Variants in EML1 observed in about 807,000 individuals in gnomAD.
EML1 encodes the protein EMAP like 1.
Under a neutral mutation model 110.4 loss-of-function variants are expected in EML1, and 27 were observed. The ratio of observed to expected loss-of-function variants is 0.24; its 90% CI spans 0.18 to 0.34. The LOEUF is 0.34. Among genes scored for constraint, EML1 ranks in the 10% least tolerant of loss-of-function variants. The pLI, the probability that EML1 is intolerant of heterozygous loss-of-function variation, is 1.00. For synonymous variants in EML1, 344 were observed against 385.8 expected (o/e 0.89, Z 1.27); for missense variants, 741 against 1,030.9 (o/e 0.72, Z 3.85).
At chr14:99,882,755 A>T (rs1370513126) in intron 4 of EML1, among the ~76,000 whole-genome samples, 1 of 151,192 alleles carries the variant, frequency 6.6e-6, no homozygotes, top group African/African-American at 2.4e-5. Flanking sequence ...CCTGGGCCGC[A>T]TGTGGCCTGT....
chr14:99,826,080 A>G (rs921679059), intron 1 of EML1, among the ~76,000 whole-genome samples: 5 of 145,318 alleles, frequency 3.4e-5, no homozygotes, highest in Non-Finnish European at 6.0e-5. Context: ...AGTCTTTAGC[A>G]TTTAAAGTCT....
chr14:99,757,229 C>T (rs1406929708), intron 1 of EML1, among the ~76,000 whole-genome samples: 3 of 152,004 alleles, frequency 2.0e-5, no homozygotes, highest in Non-Finnish European at 4.4e-5. Flanking sequence ...GTCGCAGCTA[C>T]TCGGGAGGCT....
chr14:99,912,204 A>C (rs930627024), intron 13 of EML1, among the ~76,000 whole-genome samples: 1 of 152,082 alleles, frequency 6.6e-6, no homozygotes, highest in African/African-American at 2.4e-5. Context: ...AATTTCTAGC[A>C]TGTTATTTTG....
chr14:99,919,833 C>G (rs2060100347), intron 16 of EML1, among the ~76,000 whole-genome samples: 1 of 152,228 alleles, frequency 6.6e-6, no homozygotes, highest in Middle Eastern at 3.4e-3. Flanking sequence ...AAAGCAAAAT[C>G]CACATTTCTG....
intron 15 of EML1, among the ~76,000 whole-genome samples, chr14:99,916,763 C>T (rs2060040416): frequency 6.6e-6 from 1 of 152,180 alleles, no homozygotes; most frequent in South Asian, 2.1e-4. Flanking sequence ...CCCCCTTCAC[C>T]ATGGTCCAAA....
rs759650854 is a variant in EML1 at position 99,939,169 on chromosome 14, A to G, written c.2192-28A>G. 1.2e-6 allele frequency: 2 copies of G among 1,612,300 alleles called. No homozygotes were observed. Among genetic ancestry groups the G allele is most frequent in the South Asian group, 2.2e-5 (2 of 90,882 alleles). On this transcript the variant is annotated intron_variant, in intron 20 of 21. Transcript: ENST00000262233. This position sits in a 1 kb window ranked among gnomAD's most constrained non-coding sequence, Gnocchi z 4.2. ...TGGCCCTGTGGCCCCTGGTGTTTCCAGCGCCCTGTTTGTGGTCTTTGTTTT... is the reference window on the plus strand; with the variant it reads ...TGGCCCTGTGGCCCCTGGTGTTTCCGGCGCCCTGTTTGTGGTCTTTGTTTT...
chr14:99,892,072 G>T, intron 5 of EML1: 1 of 937,922 alleles, frequency 1.1e-6, no homozygotes, highest in Non-Finnish European at 1.3e-6. Flanking sequence ...GCGGGCTAGT[G>T]AGGGCTCCGG....
intron 3 of EML1, among the ~76,000 whole-genome samples, chr14:99,875,300 C>T (rs527664283): frequency 2.6e-5 from 4 of 152,070 alleles, no homozygotes; most frequent in South Asian, 2.1e-4. Context: ...CTCCTGAATT[C>T]GGTTCTTCAT....
chr14:99,811,304 C>G (rs1043607927), intron 1 of EML1, among the ~76,000 whole-genome samples: 2 of 151,964 alleles, frequency 1.3e-5, no homozygotes, highest in Non-Finnish European at 2.9e-5. Context: ...CGTCGGCCTC[C>G]CAAAGTTCTG....
intron 1 of EML1, among the ~76,000 whole-genome samples, chr14:99,808,711 C>T (rs563713646): frequency 2.0e-5 from 3 of 152,294 alleles, no homozygotes; most frequent in African/African-American, 7.2e-5. Flanking sequence ...CACAAAACCA[C>T]GTATGCTCCA....
chr14:99,865,447 C>A (rs2059079421), intron 2 of EML1, 67 bp from the exon 3 acceptor site: 5 of 1,596,302 alleles, frequency 3.1e-6, no homozygotes, highest in Admixed American at 3.4e-5. Flanking sequence ...CAGTTGAGGA[C>A]CCCTGCTGTA....
chr14:99,889,924 C>T (rs1381458790), intron 4 of EML1, among the ~76,000 whole-genome samples: 2 of 152,156 alleles, frequency 1.3e-5, no homozygotes, highest in Non-Finnish European at 2.9e-5. Flanking sequence ...GAGTAAAACA[C>T]TTTTAAAGCA....
At chr14:99,746,833 G>A (rs1181247129) in intron 1 of EML1, among the ~76,000 whole-genome samples, 1 of 152,184 alleles carries the variant, frequency 6.6e-6, no homozygotes, top group Admixed American at 6.5e-5. Context: ...CTCGAGCAGG[G>A]CTCCTCCCAC....
At chr14:99,771,566 C>T (rs148769830), upstream of EML1, among the ~76,000 whole-genome samples, 722 of 152,350 alleles carry the variant, frequency 4.7e-3, 5 homozygotes, top group African/African-American at 0.017. Context: ...ATTCCTAGCA[C>T]TTTGGGAGTC....
intron 4 of EML1, among the ~76,000 whole-genome samples, chr14:99,881,801 A>G (rs1446698909): frequency 6.6e-6 from 1 of 152,034 alleles, no homozygotes; most frequent in Non-Finnish European, 1.5e-5. Context: ...GGGTTTCACC[A>G]CATTGGCCAG....
intron 1 of EML1, among the ~76,000 whole-genome samples, chr14:99,761,511 C>A (rs953229201): frequency 2.0e-5 from 3 of 152,042 alleles, no homozygotes; most frequent in African/African-American, 7.2e-5. Flanking sequence ...AGGATTGGGG[C>A]GTACATGTGG....
chr14:99,755,677 CCT>C (rs1174367824), intron 1 of EML1, among the ~76,000 whole-genome samples: 1 of 152,182 alleles, frequency 6.6e-6, no homozygotes, highest in Non-Finnish European at 1.5e-5. Context: ...GAACAGGGTG[CCT>C]CTCTGGATCC....
intron 17 of EML1, among the ~76,000 whole-genome samples, chr14:99,928,215 A>ATGGTGGTGG (rs1186228335): frequency 3.0e-4 from 1 of 3,362 alleles, no homozygotes; most frequent in East Asian, 7.9e-3. Context: ...GGTGATGGTG[A>ATGGTGGTGG]TGGTGGTGGT....
At position 99,782,077 on chromosome 14, in the gene EML1, C is replaced by T. The variant is rs563785675; in HGVS notation, c.-27+8064C>T. 9.8e-5 allele frequency among the ~76,000 whole-genome samples: 15 copies of T among 152,304 alleles called. No individual in the cohort carries two copies. The South Asian group carries it at 2.7e-3, about 27-fold the overall frequency. ...CACCCTATCGTAGGGCACTGTTATC[C>T]TACCTGTCCCCAGCCAGGGTGTCAG... On this transcript the variant is annotated intron_variant, in intron 1 of 22. Coordinates refer to the EML1 transcript ENST00000327921.
Sources: allele counts gnomAD v4.1 joint callset (sites outside exome capture counted in the v4.1 genomes callset), GRCh38; gene constraint gnomAD v4.1.1; non-coding constraint Gnocchi (gnomAD v3.1); transcripts MANE v1.5; gene names NCBI Gene and HGNC (gene_info 2026-07-23, HGNC 2026-07-21).